Variants in SSX7 observed in about 807,000 individuals in gnomAD.
SSX7 encodes the protein SSX family member 7.
A neutral mutation model predicts 14.7 loss-of-function variants in SSX7; 15 were observed. The observed-to-expected ratio is 1.02, with a 90% CI of 0.68 to 1.58. The LOEUF (loss-of-function observed/expected upper bound fraction) is 1.58. SSX7 is among the 40% of genes most tolerant of loss of function. SSX7 has a pLI of 0.00. For missense variants in SSX7, 178 were observed against 146.8 expected (o/e 1.21, Z -1.10); for synonymous variants, 46 against 50.6 (o/e 0.91, Z 0.38).
At chrX:52,645,297 C>G (rs1925204199) in intron 7 of SSX7, 142 bp downstream of exon 7, 4 of 997,239 alleles carry the variant, frequency 4.0e-6, no homozygotes, top group African/African-American at 3.9e-5. Flanking sequence ...TGGGAAATCT[C>G]TCATCATTCG....
In SSX7 at chrX:52,649,310, C is replaced by T. The variant is rs182562690; in HGVS notation, c.331-914G>A. Among the ~76,000 whole-genome samples the T allele has an allele frequency of 1.3e-4, 15 of 111,799 alleles. No homozygotes were observed. In the East Asian group the frequency reaches 3.9e-3, roughly 29 times the overall value. On this transcript the variant is annotated intron_variant, in intron 5 of 7. Transcript: ENST00000298181. ...TCCCAAAGTGCTGGGATTACAGTCG[C>T]TAGCCACCGTGCCCCGCTCTTAATC...
chrX:52,647,694 T>C (rs1925293325), intron 6 of SSX7, among the ~76,000 whole-genome samples: 1 of 112,040 alleles, frequency 8.9e-6, no homozygotes, highest in Admixed American at 9.6e-5. Context: ...ATGAATTATT[T>C]TAAAATAAAG....
intron 6 of SSX7, among the ~76,000 whole-genome samples, chrX:52,646,725 G>C (rs782489086): frequency 2.7e-5 from 3 of 111,228 alleles, no homozygotes; most frequent in Non-Finnish European, 5.6e-5. Flanking sequence ...CCTATTTCTT[G>C]AGACACACCT....
chrX:52,653,448 T>C lies in SSX7; in HGVS notation c.25A>G (p.Arg9Gly). 3 of 1,211,512 alleles carry C rather than the reference T, an allele frequency of 2.5e-6. No homozygotes were observed. Among genetic ancestry groups the C allele is most frequent in the Non-Finnish European group, 3.4e-6 (3 of 895,443 alleles). MNGDDAFA[R>G]RPRAGAQIPE... ...ATTTGAGCACCAGCCCTAGGTCTCC[T>C]TGCAAAGGCGTCGTCTCCGTTCATG... Residue 9 changes from arginine to glycine, a missense_variant, in exon 2 of 8, where the codon AGG becomes GGG. Transcript: ENST00000298181.
chrX:52,646,469 G>A (rs1171703011), intron 6 of SSX7, among the ~76,000 whole-genome samples: 4 of 112,296 alleles, frequency 3.6e-5, no homozygotes, highest in Non-Finnish European at 7.5e-5. Context: ...TGGAAAATAG[G>A]GTATCCATCC....
chrX:52,649,214 A>G (rs1420209574), intron 5 of SSX7, among the ~76,000 whole-genome samples: 1 of 111,059 alleles, frequency 9.0e-6, no homozygotes, highest in Non-Finnish European at 1.9e-5. Flanking sequence ...TATTTTTAAT[A>G]GAGATGAGGT....
In SSX7 at chrX:52,648,249, C is replaced by G. The variant is rs781953323; in HGVS notation, c.466+12G>C. On this transcript the variant is annotated intron_variant, in intron 6 of 7. Coordinates refer to ENST00000298181, the MANE Select transcript of SSX7 (RefSeq NM_173358.2). Reference sequence around the variant, plus strand: ...AAGCCAGAGGGTTTGTTCCCGAATTCTTTCCTCTTACCGGATGTCTTGTTA... The same window carrying G: ...AAGCCAGAGGGTTTGTTCCCGAATTGTTTCCTCTTACCGGATGTCTTGTTA... 1.7e-6 allele frequency: 2 copies of G among 1,207,483 alleles called. No homozygotes were observed. Among genetic ancestry groups the G allele is most frequent in the Non-Finnish European group, 2.2e-6 (2 of 893,614 alleles).
intron 1 of SSX7, 59 bp downstream of exon 1, chrX:52,654,703 T>A (rs1925547956): frequency 9.1e-6 from 1 of 109,916 alleles, no homozygotes; most frequent in East Asian, 2.9e-4. Flanking sequence ...AAAAAGAAAA[T>A]CAGCGCATGC....
intron 3 of SSX7, among the ~76,000 whole-genome samples, chrX:52,652,592 TG>T (rs1925471135): frequency 9.2e-6 from 1 of 108,659 alleles, no homozygotes; most frequent in Admixed American, 9.9e-5. Context: ...AGGGACGGTG[TG>T]GGGGTGCCGG....
At chrX:52,645,384 A>G (rs1925206818) in intron 7 of SSX7, 55 bp downstream of exon 7, 2 of 1,209,397 alleles carry the variant, frequency 1.7e-6, no homozygotes, top group African/African-American at 3.5e-5. Context: ...TACCAGTATC[A>G]TAACAGAATA....
chrX:52,647,087 C>G (rs1273255417), intron 6 of SSX7, among the ~76,000 whole-genome samples: 6 of 112,437 alleles, frequency 5.3e-5, no homozygotes, highest in African/African-American at 1.9e-4. Context: ...TGAAACCAGC[C>G]ACAACATTCC....
At chrX:52,648,222 G>A (rs1229233479) in intron 6 of SSX7, 39 bp downstream of exon 6, 15 of 1,195,056 alleles carry the variant, frequency 1.3e-5, no homozygotes, top group South Asian at 5.6e-5. Context: ...ACATAGCCAC[G>A]GAAGCCAGAG....
rs150328554 is a variant in SSX7 at position 52,648,271 on chromosome X, G to T, written c.456C>A (p.Asn152Lys). Reference protein sequence around the residue: ...PGKPSTSEKINKTSGPKRGKH... With the variant: ...PGKPSTSEKIKKTSGPKRGKH... ...ATTCTTTCCTCTTACCGGATGTCTT[G>T]TTAATCTTCTCAGAGGTACTTGGTT... The change falls in exon 6 of 8, where the codon AAC becomes AAA. Residue 152 changes from asparagine (N) to lysine (K), a missense_variant. Physicochemically the swap from Asn to Lys is moderately conservative, Grantham distance 94. Transcript: ENST00000298181. 3 of 1,207,074 alleles carry T rather than the reference G, an allele frequency of 2.5e-6. No homozygotes were observed. The African/African-American group carries it at 5.3e-5, about 21-fold the overall frequency.
chrX:52,645,308 G>T, intron 7 of SSX7, 131 bp downstream of exon 7: 3 of 1,105,705 alleles, frequency 2.7e-6, no homozygotes, highest in Non-Finnish European at 3.7e-6. Context: ...TCATCATTCG[G>T]CCTCAATGCT....
intron 7 of SSX7, among the ~76,000 whole-genome samples, 158 bp downstream of exon 7, chrX:52,645,281 A>C (rs781915060): frequency 1.7e-3 from 186 of 110,043 alleles, no homozygotes; most frequent in African/African-American, 5.8e-3. Flanking sequence ...AAAAAAAAAA[A>C]AAACGTGGGA....
chrX:52,653,302 C>A (rs2146498728), intron 2 of SSX7, 102 bp downstream of exon 2: 2 of 1,208,379 alleles, frequency 1.7e-6, no homozygotes, highest in African/African-American at 1.7e-5. Context: ...CCCCCAAGAC[C>A]CTGGTCCTTG....
chrX:52,652,236 C>A lies in SSX7; in HGVS notation c.280+16G>T. Reference sequence around the variant, plus strand: ...GGCTTGAGGAGACCCTTTCCAGCCCCTTCCCGTCTACTCACCCTGATTCCC... The same window carrying A: ...GGCTTGAGGAGACCCTTTCCAGCCCATTCCCGTCTACTCACCCTGATTCCC... On this transcript the variant is annotated intron_variant, in intron 4 of 7. Transcript: ENST00000298181. 1 of 1,178,036 alleles carries A rather than the reference C, an allele frequency of 8.5e-7. No homozygotes were observed. The highest frequency in any genetic ancestry group is 1.2e-6 in the Non-Finnish European group (1 of 866,004).
intron 6 of SSX7, 46 bp downstream of exon 6, chrX:52,648,215 T>C (rs200289271): frequency 1.7e-6 from 2 of 1,192,135 alleles, no homozygotes; most frequent in East Asian, 5.9e-5. Flanking sequence ...CACCTGAACA[T>C]AGCCACGGAA....
chrX:52,648,658 A>G lies in SSX7; in HGVS notation c.331-262T>C, dbSNP rs1238985832. Among the ~76,000 whole-genome samples, 3 of 111,736 alleles carry G rather than the reference A, an allele frequency of 2.7e-5. No individual in the cohort carries two copies. In the Admixed American group the frequency reaches 2.9e-4, roughly 11 times the overall value. On this transcript the variant is annotated intron_variant, in intron 5 of 7. Transcript: ENST00000298181. ...TGCAAACAGTAAAAATCTCCATGCA[A>G]TTGAGAGTTTGGTATACAAAAGATT... is the stretch of plus-strand genomic sequence containing the variant.
Sources: gnomAD v4.1 joint callset for allele counts (sites outside exome capture counted in the v4.1 genomes callset) on GRCh38, gnomAD v4.1.1 for gene constraint, MANE v1.5 for transcripts, NCBI Gene and HGNC (gene_info 2026-07-23, HGNC 2026-07-21) for gene names.